The following F8 variants were observed in gnomAD, a reference collection of about 807,000 sequenced individuals.
F8 encodes the protein coagulation factor VIII.
In F8, 12 loss-of-function variants were observed where a neutral mutation model predicts 140.6. That is an observed-to-expected ratio of 0.09 (90% CI 0.05 to 0.14). The LOEUF (loss-of-function observed/expected upper bound fraction) is 0.14, where lower values mean the gene tolerates loss of function less well. Among genes scored for constraint, F8 ranks in the 10% least tolerant of loss-of-function variants. The probability of loss-of-function intolerance (pLI) is 1.00; values close to 1 mark genes in which losing one functional copy is unlikely to be tolerated. For missense variants in F8, 1,354 were observed against 1,720.7 expected, an observed-to-expected ratio of 0.79 and a Z score of 3.77; for synonymous variants, 585 against 614.6, an observed-to-expected ratio of 0.95 and a Z score of 0.71.
intron 22 of F8, among the ~76,000 whole-genome samples, chrX:154,891,002 A>G (rs1055601390): frequency 2.7e-5 from 3 of 113,114 alleles, no homozygotes; most frequent in Admixed American, 9.3e-5. Flanking sequence ...AAATGTTGGC[A>G]AATTGGATCC....
chrX:154,992,179 A>G (rs2073591833), intron 4 of F8, among the ~76,000 whole-genome samples: 1 of 111,777 alleles, frequency 8.9e-6, no homozygotes, highest in Admixed American at 9.5e-5. Context: ...ACACTTAGAT[A>G]GGCCACCAAG....
At chrX:154,855,046 G>A (rs1256386006) in intron 25 of F8, among the ~76,000 whole-genome samples, 2 of 111,469 alleles carry the variant, frequency 1.8e-5, no homozygotes, top group Non-Finnish European at 3.8e-5. Flanking sequence ...CTTGAACCTG[G>A]GAGATGGAGG....
chrX:154,917,347 C>T (rs782720945), intron 14 of F8, among the ~76,000 whole-genome samples: 2 of 111,430 alleles, frequency 1.8e-5, no homozygotes, highest in East Asian at 5.6e-4. Context: ...TTATTTGCTT[C>T]TTTTTTCTTG....
chrX:154,933,008 C>T lies in F8; in HGVS notation c.2114-1332G>A, dbSNP rs782818931. The stretch of plus-strand genomic sequence containing the variant: ...TTACCAAAATGGACTTTTATTTACC[C>T]TCCCCTCTGAGAGGGGCCTGGTATT... On this transcript the variant is annotated intron_variant, in intron 13 of 25. Coordinates refer to ENST00000360256, the MANE Select transcript of F8 (RefSeq NM_000132.4). 2.7e-4 allele frequency among the ~76,000 whole-genome samples: 30 copies of T among 111,715 alleles called. 1 individual carries two copies. The South Asian group carries it at 0.011, about 42-fold the overall frequency.
chrX:154,893,749 GA>G (rs2072962955), intron 22 of F8, among the ~76,000 whole-genome samples: 1 of 111,595 alleles, frequency 9.0e-6, no homozygotes, highest in Admixed American at 9.5e-5. Context: ...AGACAAGGAA[GA>G]AAATCAAAAT....
At chrX:154,899,468 G>A (rs1557275798) in intron 21 of F8, among the ~76,000 whole-genome samples, 2 of 112,303 alleles carry the variant, frequency 1.8e-5, no homozygotes. Context: ...TTTTGAAAAC[G>A]TGGCTACAGA....
intron 14 of F8, among the ~76,000 whole-genome samples, chrX:154,916,594 T>A (rs781796443): frequency 1.8e-5 from 2 of 111,690 alleles, no homozygotes; most frequent in South Asian, 3.7e-4. Flanking sequence ...ATATAGTTGA[T>A]CATAATAGTT....
chrX:154,958,582 T>C (rs1350657127), intron 10 of F8, among the ~76,000 whole-genome samples: 1 of 111,749 alleles, frequency 8.9e-6, no homozygotes, highest in Non-Finnish European at 1.9e-5. Flanking sequence ...AAATAAAGAA[T>C]TCTTATCGGC....
intron 25 of F8, among the ~76,000 whole-genome samples, chrX:154,839,413 A>T (rs1410108418): frequency 9.8e-6 from 1 of 102,329 alleles, no homozygotes; most frequent in African/African-American, 3.7e-5. Flanking sequence ...CCCAGGCTGG[A>T]GTGCAGTGGC....
At chrX:154,840,868 G>C (rs1159922642) in intron 25 of F8, among the ~76,000 whole-genome samples, 7 of 112,235 alleles carry the variant, frequency 6.2e-5, no homozygotes, top group Admixed American at 1.9e-4. Context: ...ACATTCTATT[G>C]ATCAAGATGA....
chrX:154,846,120 T>G (rs1408149546), intron 25 of F8, among the ~76,000 whole-genome samples: 1 of 112,492 alleles, frequency 8.9e-6, no homozygotes, highest in African/African-American at 3.2e-5. Flanking sequence ...AGTTTCTTAA[T>G]CCTGAGTTCT....
At chrX:154,972,840 C>A (rs781939468) in intron 6 of F8, among the ~76,000 whole-genome samples, 1 of 107,620 alleles carries the variant, frequency 9.3e-6, no homozygotes, top group East Asian at 2.9e-4. Context: ...CTCAGCCTCC[C>A]AAGTTGCTGG....
At chrX:154,839,946 G>T (rs2072507656) in intron 25 of F8, among the ~76,000 whole-genome samples, 2 of 112,140 alleles carry the variant, frequency 1.8e-5, no homozygotes, top group Non-Finnish European at 3.8e-5. Flanking sequence ...TAAGGTCCCT[G>T]TTCTGAGATT....
At chrX:155,018,031 ATT>A (rs782805561) in intron 1 of F8, among the ~76,000 whole-genome samples, 11 of 98,221 alleles carry the variant, frequency 1.1e-4, no homozygotes, top group Non-Finnish European at 1.0e-4. Flanking sequence ...TGCCCAGCTA[ATT>A]TTTTTTTTTT....
chrX:154,959,372 C>A (rs1479284622), intron 10 of F8, among the ~76,000 whole-genome samples: 1 of 109,133 alleles, frequency 9.2e-6, no homozygotes, highest in Non-Finnish European at 1.9e-5. Context: ...GGTGACAGAG[C>A]GAGACGCTGT....
At chrX:154,919,904 C>T in intron 14 of F8, 1 of 211,467 alleles carries the variant, frequency 4.7e-6, no homozygotes, top group Non-Finnish European at 9.4e-6. Context: ...GGCGACTCCT[C>T]AGCCTCATTA....
intron 14 of F8, among the ~76,000 whole-genome samples, chrX:154,923,347 T>C (rs782718723): frequency 1.8e-5 from 2 of 111,894 alleles, no homozygotes; most frequent in Non-Finnish European, 3.8e-5. Flanking sequence ...TTTCATCTTA[T>C]TCAATACTAA....
At chrX:154,911,256 T>C (rs1557276730) in intron 14 of F8, among the ~76,000 whole-genome samples, 1 of 108,036 alleles carries the variant, frequency 9.3e-6, no homozygotes, top group African/African-American at 3.4e-5. Flanking sequence ...TCGTCCCACC[T>C]GACGAGAAAC....
At chrX:154,934,058 C>T (rs2073211749) in intron 13 of F8, among the ~76,000 whole-genome samples, 1 of 111,382 alleles carries the variant, frequency 9.0e-6, no homozygotes, top group Admixed American at 9.5e-5. Flanking sequence ...AAAAGATGAC[C>T]AGTTTTTAAG....
Sources: allele counts gnomAD v4.1 joint callset (sites outside exome capture counted in the v4.1 genomes callset), GRCh38; gene constraint gnomAD v4.1.1; transcripts MANE v1.5; gene names NCBI Gene and HGNC (gene_info 2026-07-23, HGNC 2026-07-21).